GUCY1A1: variants seen among roughly 807,000 people sequenced by gnomAD.
GUCY1A1 encodes guanylate cyclase 1 soluble subunit alpha 1, also known as guanylate cyclase soluble subunit alpha-1.
A neutral mutation model predicts 64.5 loss-of-function variants in GUCY1A1; 48 were observed. The observed-to-expected ratio is 0.74, with a 90% CI of 0.59 to 0.95. The LOEUF (loss-of-function observed/expected upper bound fraction) is 0.95. Ranked by LOEUF, GUCY1A1 falls within the 40% of genes least tolerant of loss-of-function variation. The pLI is 0.00. For missense variants in GUCY1A1, 804 were observed against 825.3 expected (o/e 0.97, Z 0.32); for synonymous variants, 308 against 303.4 (o/e 1.02, Z -0.16).
rs1308541616 is a variant in GUCY1A1 at position 155,676,309 on chromosome 4, T to TG, written c.-113+8890_-113+8891insG. 1.8e-3 allele frequency among the ~76,000 whole-genome samples: 272 copies of TG among 150,672 alleles called. 20 individuals are homozygous for TG. Among genetic ancestry groups the TG allele is most frequent in the African/African-American group, 6.5e-3 (264 of 40,314 alleles). On this transcript the variant is annotated intron_variant, in intron 2 of 9. Coordinates refer to ENST00000506455, the MANE Select transcript of GUCY1A1 (RefSeq NM_001130682.3). ...GTCCTAAGAAGAGCTGGTTTTTTTTTTTTTTTTTTTAACAATTTTGTTGCC... is the reference window on the plus strand; with the variant it reads ...GTCCTAAGAAGAGCTGGTTTTTTTTTGTTTTTTTTTTAACAATTTTGTTGCC...
intron 9 of GUCY1A1, chr4:155,722,466 A>G: frequency 8.1e-7 from 1 of 1,230,110 alleles, no homozygotes; most frequent in African/African-American, 1.5e-5. Flanking sequence ...GCACATATTA[A>G]TACTCTTAGT....
In GUCY1A1 at chr4:155,731,144, C is replaced by T. The variant is rs971577607; in HGVS notation, c.*913C>T. On this transcript the variant is annotated 3_prime_UTR_variant, in exon 10 of 10. Coordinates refer to ENST00000506455, the MANE Select transcript of GUCY1A1 (RefSeq NM_001130682.3). ...CCCACCATAAAGGACATTGGTAAAA[C>T]ATTTACACACGTAAACACACGTGCA... 5 of 152,334 alleles carry T rather than the reference C, an allele frequency of 3.3e-5. No individual in the cohort carries two copies. The East Asian group carries it at 7.7e-4, about 24-fold the overall frequency. The allele number at this position is 152,334 out of a possible 1,614,324, so 9.4% of individuals were successfully genotyped here.
intron 7 of GUCY1A1, among the ~76,000 whole-genome samples, chr4:155,715,082 G>C (rs1305480509): frequency 6.6e-6 from 1 of 152,024 alleles, no homozygotes; most frequent in Non-Finnish European, 1.5e-5. Flanking sequence ...CTCACTGTAA[G>C]GTATAAGGAC....
chr4:155,666,909 G>C lies in GUCY1A1; in HGVS notation c.-243G>C, dbSNP rs373007961. On this transcript the variant is annotated 5_prime_UTR_variant, in exon 1 of 10. Coordinates refer to ENST00000506455, the MANE Select transcript of GUCY1A1 (RefSeq NM_001130682.3). ...ACAGACCCAGGCGGAGGACACCTGT[G>C]GGGGAGGGAGCGCCTGGAGGAGCTT... is the stretch of plus-strand genomic sequence containing the variant. 4 of 152,418 alleles carry C rather than the reference G, an allele frequency of 2.6e-5. No individual in the cohort carries two copies. The East Asian group carries it at 5.8e-4, about 22-fold the overall frequency. 9.4% of individuals were successfully genotyped at this position (152,418 alleles called of 1,614,324 possible). A position where few individuals can be genotyped will look rare whatever the true frequency, so the allele number is the denominator to read the frequency against.
Position 155,732,316 on chromosome 4 carries a change from A to T in GUCY1A1, c.*2085A>T, listed in dbSNP as rs1469224035. 2.0e-5 allele frequency: 3 copies of T among 151,876 alleles called. No homozygotes were observed. Among genetic ancestry groups the T allele is most frequent in the Non-Finnish European group, 4.4e-5 (3 of 67,852 alleles). The allele number at this position is 151,876 out of a possible 1,614,324, so 9.4% of individuals were successfully genotyped here. On this transcript the variant is annotated 3_prime_UTR_variant, in exon 10 of 10. Coordinates refer to ENST00000506455, the MANE Select transcript of GUCY1A1 (RefSeq NM_001130682.3). ...CCTGCAACTTTTCTATAAACGTGGC[A>T]TTATATCTAAATAAAAAATTACCAA...
At chr4:155,677,878 G>GA (rs1579003730) in intron 2 of GUCY1A1, among the ~76,000 whole-genome samples, 1 of 151,520 alleles carries the variant, frequency 6.6e-6, no homozygotes, top group Non-Finnish European at 1.5e-5. Context: ...GTATATATAT[G>GA]AAAAAATCAA....
intron 2 of GUCY1A1, among the ~76,000 whole-genome samples, chr4:155,692,675 A>G (rs899804373): frequency 2.0e-5 from 3 of 152,214 alleles, no homozygotes; most frequent in African/African-American, 7.2e-5. Context: ...TATCAGTGCC[A>G]GAGAGTGTGG....
At position 155,730,754 on chromosome 4, in the gene GUCY1A1, T is replaced by G. The variant is rs1579144145; in HGVS notation, c.*523T>G. ...TTTGAATATAGGCTGACTTTTTTTC[T>G]CTATTGCACTTTCTTCTTTTTTTCT... On this transcript the variant is annotated 3_prime_UTR_variant, in exon 10 of 10. Coordinates refer to ENST00000506455, the MANE Select transcript of GUCY1A1 (RefSeq NM_001130682.3). The G allele has an allele frequency of 6.5e-6, 1 of 153,544 alleles. No homozygotes were observed. The allele number at this position is 153,544 out of a possible 1,614,324, so 9.5% of individuals were successfully genotyped here.
chr4:155,718,609 G>T (rs553037880), intron 8 of GUCY1A1, among the ~76,000 whole-genome samples: 5 of 152,174 alleles, frequency 3.3e-5, no homozygotes, highest in Admixed American at 6.5e-5. Flanking sequence ...CAAGACTGCT[G>T]CTTCACTTAC....
At chr4:155,706,828 T>A (rs2126819096) in intron 4 of GUCY1A1, among the ~76,000 whole-genome samples, 1 of 152,344 alleles carries the variant, frequency 6.6e-6, no homozygotes, top group South Asian at 2.1e-4. Flanking sequence ...TTTGTCATAA[T>A]CACTCATCAC....
rs6844806 is a variant in GUCY1A1 at position 155,700,696 on chromosome 4, A to C, written c.256-3236A>C. 6.0e-3 allele frequency among the ~76,000 whole-genome samples: 911 copies of C among 152,300 alleles called. 12 individuals are homozygous for C. Among genetic ancestry groups the C allele is most frequent in the African/African-American group, 0.019 (805 of 41,576 alleles). Reference sequence around the variant, plus strand: ...AACAAGTGTCCCCTCTGTGAATCAGAAAGTCCACAATCTACAATACTTCAG... The same window carrying C: ...AACAAGTGTCCCCTCTGTGAATCAGCAAGTCCACAATCTACAATACTTCAG... On this transcript the variant is annotated intron_variant, in intron 3 of 9. Transcript: ENST00000506455.
At chr4:155,715,543 A>G (rs1733120939) in intron 7 of GUCY1A1, among the ~76,000 whole-genome samples, 1 of 152,168 alleles carries the variant, frequency 6.6e-6, no homozygotes, top group Non-Finnish European at 1.5e-5. Context: ...AAGAGGGCAC[A>G]ATGGACCAAT....
intron 5 of GUCY1A1, among the ~76,000 whole-genome samples, chr4:155,709,260 A>G (rs1052216579): frequency 6.6e-6 from 1 of 152,180 alleles, no homozygotes; most frequent in South Asian, 2.1e-4. Flanking sequence ...AGGCTCTGCC[A>G]TCTCAAAGAG....
At chr4:155,686,287 G>C (rs1728989742) in intron 2 of GUCY1A1, among the ~76,000 whole-genome samples, 1 of 152,040 alleles carries the variant, frequency 6.6e-6, no homozygotes, top group African/African-American at 2.4e-5. Flanking sequence ...ACCAGCCTGG[G>C]CAACACGGTG....
At chr4:155,678,216 A>T (rs1305687763) in intron 2 of GUCY1A1, among the ~76,000 whole-genome samples, 1 of 152,120 alleles carries the variant, frequency 6.6e-6, no homozygotes, top group Non-Finnish European at 1.5e-5. Flanking sequence ...TCTCTGGAGA[A>T]CTCTGCTGCA....
At chr4:155,686,060 C>G (rs529312833) in intron 2 of GUCY1A1, among the ~76,000 whole-genome samples, 1 of 152,306 alleles carries the variant, frequency 6.6e-6, no homozygotes, top group South Asian at 2.1e-4. Flanking sequence ...TTTAACTGGA[C>G]TCTGGGTGAC....
chr4:155,703,693 G>A (rs1731380183), intron 3 of GUCY1A1, among the ~76,000 whole-genome samples: 1 of 152,150 alleles, frequency 6.6e-6, no homozygotes, highest in Non-Finnish European at 1.5e-5. Flanking sequence ...AAACCTGTGG[G>A]CCACAACACA....
chr4:155,710,724 G>T lies in GUCY1A1; in HGVS notation c.559G>T (p.Asp187Tyr), dbSNP rs1732451017. The T allele has an allele frequency of 2.5e-6, 4 of 1,614,068 alleles. No homozygotes were observed. In the East Asian group the frequency reaches 8.9e-5, roughly 36 times the overall value. ...AGCAGGAAAAAGGGGCAGGCTTGAG[G>T]ACGCCTCCATTCTATGCCTGGATAA... Reference protein sequence around the residue: ...QEAGKRGRLEDASILCLDKED... With the variant: ...QEAGKRGRLEYASILCLDKED... The change falls in exon 6 of 10, where the codon GAC becomes TAC. Residue 187 changes from aspartate to tyrosine, a missense_variant. Asp to Tyr is a radical substitution (Grantham distance 160). Coordinates refer to ENST00000506455, the MANE Select transcript of GUCY1A1 (RefSeq NM_001130682.3).
intron 4 of GUCY1A1, among the ~76,000 whole-genome samples, chr4:155,704,955 C>A (rs1731541451): frequency 6.6e-6 from 1 of 152,220 alleles, no homozygotes; most frequent in Non-Finnish European, 1.5e-5. Flanking sequence ...GCAATCTTGG[C>A]TCACTACAAC....
Sources: gnomAD v4.1 joint callset for allele counts (sites outside exome capture counted in the v4.1 genomes callset) on GRCh38, gnomAD v4.1.1 for gene constraint, MANE v1.5 for transcripts, NCBI Gene and HGNC (gene_info 2026-07-23, HGNC 2026-07-21) for gene names.